The following DCC variants were observed in gnomAD, a reference collection of about 807,000 sequenced individuals.
DCC encodes the protein DCC netrin 1 receptor.
DCC carries 58 observed loss-of-function variants against 172.5 expected under a neutral mutation model. The ratio of observed to expected loss-of-function variants is 0.34; its 90% CI spans 0.27 to 0.42. The LOEUF (loss-of-function observed/expected upper bound fraction) is 0.42. Ranked by LOEUF, DCC falls within the 10% of genes least tolerant of loss-of-function variation. DCC has a pLI of 1.00. For synonymous variants in DCC, 709 were observed against 644.5 expected (o/e 1.10, Z -1.52); for missense variants, 1,740 against 1,791.0 (o/e 0.97, Z 0.51).
chr18:53,372,427 G>A (rs1568088946), intron 15 of DCC, among the ~76,000 whole-genome samples: 2 of 151,956 alleles, frequency 1.3e-5, no homozygotes, highest in African/African-American at 2.4e-5. Context: ...TGAACACAAA[G>A]AGGGCAACAG....
intron 25 of DCC, among the ~76,000 whole-genome samples, chr18:53,479,317 G>A (rs994896705): frequency 2.6e-5 from 4 of 152,114 alleles, no homozygotes; most frequent in African/African-American, 7.2e-5. Flanking sequence ...ATTACTGAAA[G>A]GAACAGTATT....
At chr18:53,476,914 G>T (rs1298127554) in intron 25 of DCC, among the ~76,000 whole-genome samples, 6 of 152,114 alleles carry the variant, frequency 3.9e-5, no homozygotes, top group African/African-American at 1.4e-4. Context: ...AAATAACTTG[G>T]TCACATCACA....
intron 1 of DCC, among the ~76,000 whole-genome samples, chr18:52,649,904 T>TTATA (rs1476612104): frequency 6.6e-5 from 10 of 152,122 alleles, no homozygotes; most frequent in Admixed American, 6.5e-4. Context: ...GGGATCTTCT[T>TTATA]TATATAATTC....
chr18:52,906,084 C>T lies in DCC; in HGVS notation c.453C>T (p.Ala151=). 1 of 1,613,120 alleles carries T rather than the reference C, an allele frequency of 6.2e-7. No homozygotes were observed. Among genetic ancestry groups the T allele is most frequent in the Non-Finnish European group, 8.5e-7 (1 of 1,179,116 alleles). ...RFLSQTESVT[A]FMGDTVLLKC... The stretch of plus-strand genomic sequence containing the variant: ...TTTCACAGACAGAATCTGTCACAGC[C>T]TTCATGGGAGACACAGTGCTACTCA... Residue 151 remains alanine, a synonymous_variant, in exon 3 of 29, where the codon GCC becomes GCT. Coordinates refer to ENST00000442544, the MANE Select transcript of DCC (RefSeq NM_005215.4).
intron 7 of DCC, among the ~76,000 whole-genome samples, chr18:53,067,666 T>G (rs2042592814): frequency 6.6e-6 from 1 of 152,190 alleles, no homozygotes. Flanking sequence ...TAAAGAAGTT[T>G]AAAACAGGGA....
chr18:52,932,834 C>A (rs1420216495), intron 5 of DCC, among the ~76,000 whole-genome samples: 1 of 151,408 alleles, frequency 6.6e-6, no homozygotes. Flanking sequence ...GCAATACATG[C>A]ACTTACTCTC....
At chr18:53,422,218 C>T (rs1361688375) in intron 21 of DCC, among the ~76,000 whole-genome samples, 4 of 152,154 alleles carry the variant, frequency 2.6e-5, no homozygotes, top group Non-Finnish European at 5.9e-5. Context: ...GAAGACACTA[C>T]CAGCACCAAT....
intron 20 of DCC, 88 bp from the exon 21 acceptor site, chr18:53,416,036 T>G: frequency 1.0e-6 from 1 of 959,852 alleles, no homozygotes; most frequent in Non-Finnish European, 1.7e-6. Flanking sequence ...AAATAAAAAC[T>G]TACTAAAAAG....
intron 11 of DCC, among the ~76,000 whole-genome samples, chr18:53,209,931 A>G (rs549358793): frequency 3.3e-5 from 5 of 152,330 alleles, no homozygotes; most frequent in Non-Finnish European, 7.4e-5. Context: ...AAATGTTACA[A>G]TGTTTAGGAC....
intron 5 of DCC, among the ~76,000 whole-genome samples, chr18:52,985,305 T>C (rs917300679): frequency 7.2e-5 from 11 of 152,134 alleles, no homozygotes. Flanking sequence ...TCCTTGTAAA[T>C]ATCAAGCATC....
intron 14 of DCC, among the ~76,000 whole-genome samples, chr18:53,327,516 A>T (rs1715174876): frequency 6.6e-6 from 1 of 152,174 alleles, no homozygotes; most frequent in Non-Finnish European, 1.5e-5. Context: ...ATGTGATTTA[A>T]AATCGACTCT....
At chr18:52,715,962 G>A (rs80208741) in intron 1 of DCC, among the ~76,000 whole-genome samples, 1 of 144,772 alleles carries the variant, frequency 6.9e-6, no homozygotes, top group Non-Finnish European at 1.6e-5. Context: ...GCCCTAACCA[G>A]GTCTGTGATC....
intron 1 of DCC, among the ~76,000 whole-genome samples, chr18:52,363,372 G>T (rs963203269): frequency 6.6e-6 from 1 of 152,152 alleles, no homozygotes. Flanking sequence ...GGTTCATGAG[G>T]TCACCCTTCA....
rs145387586 is a variant in DCC, at chr18:53,095,003, C to T, written c.1261+28837C>T. ...ATGATTATGTCTTGCTATTACTACA[C>T]ATTTTGAGAGTGCAATTAACTTCTA... On this transcript the variant is annotated intron_variant, in intron 7 of 28. Transcript: ENST00000442544. 1.2e-4 allele frequency among the ~76,000 whole-genome samples: 19 copies of T among 152,232 alleles called. No homozygotes were observed. In the East Asian group the frequency reaches 3.7e-3, roughly 29 times the overall value.
intron 11 of DCC, among the ~76,000 whole-genome samples, chr18:53,209,827 C>A (rs1427959702): frequency 6.6e-6 from 1 of 152,176 alleles, no homozygotes; most frequent in Admixed American, 6.5e-5. Flanking sequence ...TCACTCTGAA[C>A]TGTAATACTG....
intron 3 of DCC, among the ~76,000 whole-genome samples, chr18:52,919,437 TATAAA>T (rs1194073957): frequency 2.0e-5 from 3 of 152,198 alleles, no homozygotes; most frequent in Non-Finnish European, 4.4e-5. Context: ...TATCAAATGA[TATAAA>T]GAAATACCAA....
intron 1 of DCC, among the ~76,000 whole-genome samples, chr18:52,396,695 G>T (rs1273616802): frequency 2.6e-5 from 4 of 151,910 alleles, no homozygotes; most frequent in Admixed American, 2.0e-4. Flanking sequence ...AAAATAGAAT[G>T]GTGCATTATA....
chr18:53,268,605 T>A (rs1010418815), intron 12 of DCC, among the ~76,000 whole-genome samples: 4 of 152,132 alleles, frequency 2.6e-5, no homozygotes, highest in Non-Finnish European at 5.9e-5. Flanking sequence ...TTCCCTTTGT[T>A]ATTTGGCCTT....
At chr18:53,399,565 T>C (rs1000059287) in intron 18 of DCC, among the ~76,000 whole-genome samples, 1 of 152,112 alleles carries the variant, frequency 6.6e-6, no homozygotes, top group South Asian at 2.1e-4. Flanking sequence ...CTTCCATTCA[T>C]GTACTTAATA....
Sources: allele counts gnomAD v4.1 joint callset (sites outside exome capture counted in the v4.1 genomes callset), GRCh38; gene constraint gnomAD v4.1.1; transcripts MANE v1.5; gene names NCBI Gene and HGNC (gene_info 2026-07-23, HGNC 2026-07-21).